TRAPPC9: variants seen among roughly 807,000 people sequenced by gnomAD.
TRAPPC9 encodes trafficking protein particle complex subunit 9.
In TRAPPC9, 83 loss-of-function variants were observed where a neutral mutation model predicts 124.0. The observed-to-expected ratio is 0.67, with a 90% CI of 0.56 to 0.80. The LOEUF (loss-of-function observed/expected upper bound fraction) is 0.80, where lower values mean the gene tolerates loss of function less well. Ranked by LOEUF, TRAPPC9 falls within the 30% of genes least tolerant of loss-of-function variation. The pLI is 0.00. For synonymous variants in TRAPPC9, 638 were observed against 617.5 expected, an observed-to-expected ratio of 1.03 and a Z score of -0.49; for missense variants, 1,302 against 1,508.3, an observed-to-expected ratio of 0.86 and a Z score of 2.27.
intron 17 of TRAPPC9, among the ~76,000 whole-genome samples, chr8:140,072,533 AGGAGGAGG>A: frequency 7.9e-6 from 1 of 126,770 alleles, no homozygotes; most frequent in South Asian, 2.7e-4. Context: ...AAAAAGGAGG[AGGAGGAGG>A]AGGAGGAAGA....
chr8:140,233,028 G>A (rs533631002), intron 16 of TRAPPC9, among the ~76,000 whole-genome samples: 2 of 152,298 alleles, frequency 1.3e-5, no homozygotes, highest in East Asian at 3.9e-4. Context: ...CTAAAAGACA[G>A]GCAAAGCCAT....
intron 19 of TRAPPC9, among the ~76,000 whole-genome samples, chr8:139,960,238 GA>G (rs1162035054): frequency 1.3e-5 from 2 of 152,068 alleles, no homozygotes; most frequent in African/African-American, 4.8e-5. Flanking sequence ...ACAATGGCCT[GA>G]GCCCCATCCC....
intron 9 of TRAPPC9, among the ~76,000 whole-genome samples, chr8:140,338,237 C>T (rs1021310324): frequency 6.6e-6 from 1 of 152,130 alleles, no homozygotes; most frequent in African/African-American, 2.4e-5. Flanking sequence ...GTCCCCACGC[C>T]ATACGTATAA....
At chr8:139,965,980 G>T (rs772651387) in intron 19 of TRAPPC9, among the ~76,000 whole-genome samples, 22 of 152,246 alleles carry the variant, frequency 1.4e-4, no homozygotes, top group Non-Finnish European at 2.9e-5. Context: ...GTCTGCGGGA[G>T]GCTTTGCAAG....
At chr8:140,197,478 A>T (rs2062696720) in intron 17 of TRAPPC9, among the ~76,000 whole-genome samples, 1 of 152,176 alleles carries the variant, frequency 6.6e-6, no homozygotes, top group South Asian at 2.1e-4. Context: ...ATAAAGGCTG[A>T]ATTCGAACCC....
At chr8:140,076,812 T>G (rs1441363416) in intron 17 of TRAPPC9, among the ~76,000 whole-genome samples, 3 of 152,212 alleles carry the variant, frequency 2.0e-5, no homozygotes, top group African/African-American at 7.2e-5. Context: ...GACATAGATG[T>G]AATTACATCT....
intron 19 of TRAPPC9, among the ~76,000 whole-genome samples, chr8:139,969,547 G>A (rs2131601641): frequency 1.3e-5 from 2 of 152,352 alleles, no homozygotes; most frequent in Middle Eastern, 6.8e-3. Flanking sequence ...CCAAGCCTGG[G>A]TCTCCTCAAT....
At chr8:140,058,039 T>C (rs1842391229) in intron 17 of TRAPPC9, among the ~76,000 whole-genome samples, 1 of 152,200 alleles carries the variant, frequency 6.6e-6, no homozygotes. Flanking sequence ...GCGCATTGCA[T>C]ACAGAAGTGC....
intron 21 of TRAPPC9, among the ~76,000 whole-genome samples, chr8:139,756,200 A>G (rs77933170): frequency 0.014 from 407 of 29,198 alleles, no homozygotes; most frequent in Middle Eastern, 0.025. Context: ...GCCAGGGATT[A>G]GGGATGAGGA....
chr8:140,362,827 A>G (rs769872874), intron 8 of TRAPPC9, among the ~76,000 whole-genome samples: 2 of 152,228 alleles, frequency 1.3e-5, no homozygotes, highest in South Asian at 4.1e-4. Flanking sequence ...GTTTTCTCAC[A>G]TAAGAATTGG....
At chr8:140,168,891 G>C (rs544796876) in intron 17 of TRAPPC9, among the ~76,000 whole-genome samples, 1 of 152,306 alleles carries the variant, frequency 6.6e-6, no homozygotes, top group East Asian at 1.9e-4. Flanking sequence ...TAAGTTCTAT[G>C]GGGAGATGCA....
At chr8:140,300,978 T>C (rs1202705428) in intron 10 of TRAPPC9, among the ~76,000 whole-genome samples, 3 of 152,182 alleles carry the variant, frequency 2.0e-5, no homozygotes, top group African/African-American at 7.2e-5. Context: ...CGTAGGTTCC[T>C]TGTGTATAAA....
chr8:140,300,409 G>A, intron 11 of TRAPPC9, 60 bp downstream of exon 11: 1 of 1,611,512 alleles, frequency 6.2e-7, no homozygotes, highest in South Asian at 1.1e-5. Flanking sequence ...TAAAAATCTA[G>A]AAAAGCCATT....
intron 21 of TRAPPC9, among the ~76,000 whole-genome samples, chr8:139,857,072 G>GGGGGTGCCTGCCCTGCATTT (rs71276841): frequency 0.56 from 85,633 of 151,604 alleles, 27,317 homozygotes; most frequent in African/African-American, 0.86. Context: ...TCAGACAGAG[G>GGGGGTGCCTGCCCTGCATTT]TGAAAGAGCA....
At chr8:140,458,452 G>T (rs536264464), upstream of TRAPPC9, 2 of 1,573,150 alleles carry the variant, frequency 1.3e-6, no homozygotes, top group African/African-American at 2.7e-5. Flanking sequence ...GGCGCGCGCG[G>T]CCTGGGAGCG....
At chr8:139,774,297 C>T (rs1821200104) in intron 21 of TRAPPC9, among the ~76,000 whole-genome samples, 1 of 152,146 alleles carries the variant, frequency 6.6e-6, no homozygotes, top group African/African-American at 2.4e-5. Flanking sequence ...AGGTGGAAGG[C>T]TCTGGAAGGG....
intron 14 of TRAPPC9, among the ~76,000 whole-genome samples, chr8:140,278,519 C>T (rs552552415): frequency 6.6e-6 from 1 of 152,312 alleles, no homozygotes; most frequent in East Asian, 1.9e-4. Context: ...AAACTTGAAC[C>T]ACTGTGCGAC....
At chr8:140,448,956 G>A (rs1375105771) in intron 2 of TRAPPC9, among the ~76,000 whole-genome samples, 2 of 109,004 alleles carry the variant, frequency 1.8e-5, no homozygotes, top group East Asian at 2.7e-4. Context: ...GGGCTGCCGT[G>A]AGGATTAAAC....
chr8:139,731,138 T>C lies in TRAPPC9; in HGVS notation c.3370A>G (p.Ser1124Gly). ...FFLHIRFHED[S>G]TSKELPPSWF... ...GAGGGTGGCAGCTCCTTGCTGGTGC[T>C]GTCCTCGTGGAACCGGATGTGGAGG... The change falls in exon 23 of 23, where the codon AGC becomes GGC. Residue 1124 changes from serine (S) to glycine (G), a missense_variant. Transcript: ENST00000438773. The C allele has an allele frequency of 6.2e-7, 1 of 1,614,016 alleles. No homozygotes were observed.
Sources: allele counts gnomAD v4.1 joint callset (sites outside exome capture counted in the v4.1 genomes callset), GRCh38; gene constraint gnomAD v4.1.1; transcripts MANE v1.5; gene names NCBI Gene and HGNC (gene_info 2026-07-23, HGNC 2026-07-21).